PRDM1: variants seen among roughly 807,000 people sequenced by gnomAD.
PRDM1 encodes the protein PR/SET domain 1.
Under a neutral mutation model 62.8 loss-of-function variants are expected in PRDM1, and 13 were observed. The ratio of observed to expected loss-of-function variants is 0.21; its 90% CI spans 0.13 to 0.33. PRDM1 has a LOEUF of 0.33. Among genes scored for constraint, PRDM1 ranks in the 10% least tolerant of loss-of-function variants. The pLI is 1.00. For missense variants in PRDM1, 895 were observed against 1,058.8 expected (o/e 0.85, Z 2.15); for synonymous variants, 396 against 417.6 (o/e 0.95, Z 0.63).
exon 1 of PRDM1, among the ~76,000 whole-genome samples, chr6:105,993,626 G>A (rs977650849): frequency 6.6e-6 from 1 of 152,174 alleles, no homozygotes; most frequent in African/African-American, 2.4e-5. Flanking sequence ...CAATGAGGAG[G>A]GTGACGTTAG....
chr6:106,035,625 C>G (rs1383322395), intron 1 of PRDM1, among the ~76,000 whole-genome samples: 1 of 151,612 alleles, frequency 6.6e-6, no homozygotes, highest in African/African-American at 2.4e-5. Flanking sequence ...AGAGAGAGAC[C>G]CTGTCTCAAA....
chr6:106,087,448 T>A (rs892774695), intron 1 of PRDM1: 2 of 231,604 alleles, frequency 8.6e-6, no homozygotes, highest in Non-Finnish European at 1.7e-5. Context: ...GCCTTTTCAA[T>A]TTGGTATGAG....
At chr6:106,012,950 C>T (rs541016957) in intron 1 of PRDM1, among the ~76,000 whole-genome samples, 112 of 152,286 alleles carry the variant, frequency 7.4e-4, no homozygotes, top group African/African-American at 2.6e-3. Context: ...CTCATTCTGT[C>T]GCCCAGGCTG....
intron 1 of PRDM1, among the ~76,000 whole-genome samples, chr6:106,009,570 C>T (rs1772521137): frequency 1.3e-5 from 2 of 151,956 alleles, no homozygotes; most frequent in Admixed American, 6.6e-5. Flanking sequence ...CATATATACA[C>T]ATGGGGGGAA....
chr6:106,099,034 G>C, intron 3 of PRDM1: 1 of 1,612,096 alleles, frequency 6.2e-7, no homozygotes, highest in African/African-American at 1.3e-5. Context: ...ATGAACATTT[G>C]TGTTTCATTT....
intron 1 of PRDM1, among the ~76,000 whole-genome samples, chr6:106,057,506 A>G (rs1333718795): frequency 6.6e-6 from 1 of 152,218 alleles, no homozygotes; most frequent in Non-Finnish European, 1.5e-5. Context: ...AATGGAGTAT[A>G]AGTAGATAGG....
chr6:106,029,306 G>A (rs191450570), intron 1 of PRDM1, among the ~76,000 whole-genome samples: 63 of 152,310 alleles, frequency 4.1e-4, no homozygotes, highest in Admixed American at 1.6e-3. Context: ...TATGTATGGT[G>A]ATGTATGGTA....
chr6:106,009,927 AG>A (rs1772526179), intron 1 of PRDM1, among the ~76,000 whole-genome samples: 1 of 152,212 alleles, frequency 6.6e-6, no homozygotes, highest in South Asian at 2.1e-4. Flanking sequence ...CATGTTGGCC[AG>A]GCTGGTCTCG....
Position 106,107,895 on chromosome 6 carries a change from T to C in PRDM1, c.*409T>C. ...ATTCAGAAAGCAATAATTAAAAAAG[T>C]TTACAATGACTGGAAAGATTCCTTG... On this transcript the variant is annotated 3_prime_UTR_variant, in exon 7 of 7. Transcript: ENST00000369096. 1 of 232,294 alleles carries C rather than the reference T, an allele frequency of 4.3e-6. No individual in the cohort carries two copies. The highest frequency in any genetic ancestry group is 8.5e-6 in the Non-Finnish European group (1 of 117,318). 14.4% of individuals were successfully genotyped at this position (232,294 alleles called of 1,614,324 possible). A position where few individuals can be genotyped will look rare whatever the true frequency, so the allele number is the denominator to read the frequency against.
chr6:106,104,756 G>T (rs1774392188), intron 4 of PRDM1, 69 bp from the exon 5 acceptor site: 1 of 1,503,662 alleles, frequency 6.7e-7, no homozygotes, highest in Admixed American at 2.2e-5. Flanking sequence ...AGAAGGAGGA[G>T]CAACTTTGGC....
Position 106,105,056 on chromosome 6 carries a change from A to G in PRDM1, c.896A>G (p.Tyr299Cys), listed in dbSNP as rs1199673150. ...PEMPFYPRVV[Y>C]PIRAPLPEDF... ...ATGCCCTTCTACCCTCGGGTCGTTT[A>G]CCCCATCCGGGCCCCTCTGCCAGAA... is the stretch of plus-strand genomic sequence containing the variant. Residue 299 changes from tyrosine to cysteine, a missense_variant, in exon 5 of 7, where the codon TAC becomes TGC. This residue lies in a region of PRDM1 where 444 missense variants were observed against 422.7 expected (regional missense o/e 1.05). Coordinates refer to ENST00000369096, the MANE Select transcript of PRDM1 (RefSeq NM_001198.4). The G allele has an allele frequency of 6.2e-7, 1 of 1,613,946 alleles. No homozygotes were observed. The highest frequency in any genetic ancestry group is 8.5e-7 in the Non-Finnish European group (1 of 1,179,990).
chr6:106,105,875 A>G lies in PRDM1; in HGVS notation c.1715A>G (p.Lys572Arg), dbSNP rs1460518038. 1 of 1,614,062 alleles carries G rather than the reference A, an allele frequency of 6.2e-7. No homozygotes were observed. Among genetic ancestry groups the G allele is most frequent in the Non-Finnish European group, 8.5e-7 (1 of 1,180,032 alleles). The change falls in exon 5 of 7, where the codon AAG (lysine) becomes AGG (arginine). Residue 572 changes from lysine (K) to arginine (R), a missense_variant. Lys to Arg is a conservative substitution (Grantham distance 26, BLOSUM62 2). This residue lies in a region of PRDM1 where 74 missense variants were observed against 172.4 expected (regional missense o/e 0.43). Coordinates refer to ENST00000369096, the MANE Select transcript of PRDM1 (RefSeq NM_001198.4). Reference protein sequence around the residue: ...LPYPLKKQNGKIKYECNVCAK... With the variant: ...LPYPLKKQNGRIKYECNVCAK... ...TACCCGCTGAAGAAGCAGAACGGCA[A>G]GATCAAGTACGAATGCAACGTTTGC...
At chr6:106,033,271 A>T (rs1772876105) in intron 1 of PRDM1, among the ~76,000 whole-genome samples, 1 of 151,816 alleles carries the variant, frequency 6.6e-6, no homozygotes, top group East Asian at 1.9e-4. Flanking sequence ...CAGCTTCCCA[A>T]GTAGCTAGGA....
chr6:106,088,661 G>T (rs186746902), intron 2 of PRDM1, among the ~76,000 whole-genome samples: 2 of 152,168 alleles, frequency 1.3e-5, no homozygotes, highest in East Asian at 3.9e-4. Flanking sequence ...TCACTAATTA[G>T]TAAACAGTTA....
chr6:105,996,347 A>G (rs1772349268), intron 1 of PRDM1, among the ~76,000 whole-genome samples: 2 of 152,188 alleles, frequency 1.3e-5, no homozygotes, highest in African/African-American at 4.8e-5. Flanking sequence ...ATTAATTAAC[A>G]ATTAATCATT....
At position 106,017,036 on chromosome 6, in the gene PRDM1, C is replaced by T. The variant is rs558560421; in HGVS notation, c.-67+23397C>T. Reference sequence around the variant, plus strand: ...GAAACTCCTAGATGAACCATGCAGCCTAGAAATGTTGAAAAAATTAAGAAA... The same window carrying T: ...GAAACTCCTAGATGAACCATGCAGCTTAGAAATGTTGAAAAAATTAAGAAA... On this transcript the variant is annotated intron_variant, in intron 1 of 6. Coordinates refer to the PRDM1 transcript ENST00000652320. Among the ~76,000 whole-genome samples, 4 of 152,130 alleles carry T rather than the reference C, an allele frequency of 2.6e-5. No individual in the cohort carries two copies. The South Asian group carries it at 8.3e-4, about 32-fold the overall frequency.
intron 1 of PRDM1, among the ~76,000 whole-genome samples, chr6:106,052,081 T>G (rs932807151): frequency 6.6e-6 from 1 of 152,116 alleles, no homozygotes; most frequent in African/African-American, 2.4e-5. Context: ...GGATGAAAGT[T>G]CTGGAGATGG....
chr6:106,106,873 G>T lies in PRDM1; in HGVS notation c.1903-38G>T, dbSNP rs1323531337. On this transcript the variant is annotated intron_variant, in intron 6 of 6. Transcript: ENST00000369096. The surrounding 1 kb of genome is among the most constrained non-coding windows in gnomAD (Gnocchi z 4.4). ...CAACTCTTAATCTTCTGGCCTTCCT[G>T]TCTCCCTTCCCTGCTGTCTCTCTCC... 6.4e-7 allele frequency: 1 copy of T among 1,562,402 alleles called. No individual in the cohort carries two copies. Among genetic ancestry groups the T allele is most frequent in the South Asian group, 1.2e-5 (1 of 85,928 alleles).
intron 1 of PRDM1, among the ~76,000 whole-genome samples, chr6:106,073,105 CTTT>C (rs202236727): frequency 2.9e-5 from 4 of 137,654 alleles, no homozygotes; most frequent in Non-Finnish European, 3.1e-5. Flanking sequence ...TTCCTCTTTT[CTTT>C]TTTTTTTTTT....
Sources: allele counts gnomAD v4.1 joint callset (sites outside exome capture counted in the v4.1 genomes callset), GRCh38; gene constraint gnomAD v4.1.1; regional missense constraint gnomAD v4.1.1; non-coding constraint Gnocchi (gnomAD v3.1); transcripts MANE v1.5; gene names NCBI Gene and HGNC (gene_info 2026-07-23, HGNC 2026-07-21).